The following RIMS2 variants were observed in gnomAD, a reference collection of about 807,000 sequenced individuals.
RIMS2 encodes regulating synaptic membrane exocytosis protein 2.
A neutral mutation model predicts 174.4 loss-of-function variants in RIMS2; 59 were observed. The observed-to-expected ratio is 0.34, with a 90% CI of 0.27 to 0.42. The LOEUF (loss-of-function observed/expected upper bound fraction) is 0.42, where lower values mean the gene tolerates loss of function less well. RIMS2 is among the 10% of genes least tolerant of loss of function. The pLI, the probability that RIMS2 is intolerant of heterozygous loss-of-function variation, is 1.00. For synonymous variants in RIMS2, 606 were observed against 572.5 expected, an observed-to-expected ratio of 1.06 and a Z score of -0.84; for missense variants, 1,620 against 1,666.3, an observed-to-expected ratio of 0.97 and a Z score of 0.48.
chr8:104,068,605 A>G (rs1285505437), intron 19 of RIMS2: 7 of 1,506,548 alleles, frequency 4.6e-6, no homozygotes, highest in South Asian at 2.4e-5. Flanking sequence ...CAAGATTACC[A>G]TTCGAAGGCA....
chr8:103,751,580 C>T lies in RIMS2; in HGVS notation c.388-14647C>T, dbSNP rs529367209. 1.5e-3 allele frequency among the ~76,000 whole-genome samples: 230 copies of T among 151,660 alleles called. 10 individuals are homozygous for T. In the East Asian group the frequency reaches 0.035, roughly 23 times the overall value. On this transcript the variant is annotated intron_variant, in intron 2 of 23. Coordinates refer to ENST00000504942, the Ensembl canonical transcript of RIMS2. ...TCCCACCAACAGTGTAAAAGTGTCC[C>T]TATTTCTCCACATCCTCTCCAGCAC...
intron 3 of RIMS2, among the ~76,000 whole-genome samples, chr8:103,789,276 C>T (rs1267774392): frequency 5.3e-5 from 8 of 152,044 alleles, no homozygotes; most frequent in African/African-American, 1.7e-4. Flanking sequence ...TGTTCCTATT[C>T]GGCCATCTTG....
intron 19 of RIMS2, among the ~76,000 whole-genome samples, chr8:104,184,644 T>C (rs1474889101): frequency 6.6e-6 from 1 of 151,556 alleles, no homozygotes; most frequent in Non-Finnish European, 1.5e-5. Flanking sequence ...TAAAGAAATT[T>C]CCAAAGGTTA....
downstream of RIMS2, chr8:104,252,441 C>T (rs2099361395): frequency 6.6e-6 from 1 of 152,088 alleles, no homozygotes; most frequent in Non-Finnish European, 1.5e-5. Context: ...TGTGGCTACA[C>T]TGTACTGAAT....
At chr8:103,820,472 T>A (rs1176149041) in intron 3 of RIMS2, among the ~76,000 whole-genome samples, 1 of 151,994 alleles carries the variant, frequency 6.6e-6, no homozygotes, top group Non-Finnish European at 1.5e-5. Flanking sequence ...GATGGGGAAC[T>A]AATAGTGCAT....
At chr8:103,639,670 C>T (rs369852555) in intron 1 of RIMS2, among the ~76,000 whole-genome samples, 1 of 151,774 alleles carries the variant, frequency 6.6e-6, no homozygotes, top group African/African-American at 2.4e-5. Flanking sequence ...TGGATTTAAC[C>T]ATAGTTTGTT....
intron 3 of RIMS2, among the ~76,000 whole-genome samples, chr8:103,871,147 G>A (rs2099109628): frequency 6.6e-6 from 1 of 152,162 alleles, no homozygotes; most frequent in African/African-American, 2.4e-5. Context: ...AGTGGCTCAT[G>A]CCTATAATCC....
chr8:104,178,916 G>A (rs556666222), intron 19 of RIMS2, among the ~76,000 whole-genome samples: 7 of 152,214 alleles, frequency 4.6e-5, no homozygotes, highest in African/African-American at 1.7e-4. Context: ...TTATGCTCAG[G>A]ATGTGCCTCT....
At chr8:103,697,045 A>G (rs957134156) in intron 1 of RIMS2, 41 bp from the exon 4 acceptor site, 5 of 1,349,720 alleles carry the variant, frequency 3.7e-6, no homozygotes, top group East Asian at 2.3e-5. Flanking sequence ...TTTAGAGATC[A>G]TCAGGAAACC....
At chr8:103,863,535 A>G (rs114113006) in intron 3 of RIMS2, among the ~76,000 whole-genome samples, 1 of 151,624 alleles carries the variant, frequency 6.6e-6, no homozygotes, top group African/African-American at 2.4e-5. Flanking sequence ...TCTTCCTTGT[A>G]TGTCTGATAG....
At chr8:104,165,797 T>C (rs1217621353) in intron 19 of RIMS2, among the ~76,000 whole-genome samples, 1 of 152,186 alleles carries the variant, frequency 6.6e-6, no homozygotes, top group Non-Finnish European at 1.5e-5. Flanking sequence ...CACTAAGCAC[T>C]TAGATTTTTT....
intron 3 of RIMS2, among the ~76,000 whole-genome samples, chr8:103,792,628 C>T (rs1160639571): frequency 7.8e-6 from 1 of 127,852 alleles, no homozygotes; most frequent in Non-Finnish European, 1.6e-5. Context: ...TCAGTGAATC[C>T]AGGAGCTGGT....
At chr8:103,658,775 C>G (rs1219618967) in intron 1 of RIMS2, among the ~76,000 whole-genome samples, 1 of 152,162 alleles carries the variant, frequency 6.6e-6, no homozygotes, top group Non-Finnish European at 1.5e-5. Context: ...CTCCAGAGTA[C>G]TAAATGTGCA....
intron 5 of RIMS2, among the ~76,000 whole-genome samples, chr8:103,911,690 A>G (rs908131501): frequency 2.0e-5 from 3 of 152,194 alleles, no homozygotes; most frequent in Non-Finnish European, 4.4e-5. Flanking sequence ...TAGAATTTCA[A>G]TGCATCTTTT....
chr8:104,140,767 A>C (rs1458797758), intron 19 of RIMS2, among the ~76,000 whole-genome samples: 1 of 152,202 alleles, frequency 6.6e-6, no homozygotes, highest in Non-Finnish European at 1.5e-5. Context: ...TTGCTAAAGG[A>C]ATCAATCAAT....
chr8:103,620,857 T>C (rs982197842), intron 1 of RIMS2, among the ~76,000 whole-genome samples: 1 of 152,162 alleles, frequency 6.6e-6, no homozygotes, highest in Non-Finnish European at 1.5e-5. Context: ...ATTTAAAAAA[T>C]TGTCCTTTTA....
At chr8:104,103,552 T>C (rs2097954085) in intron 19 of RIMS2, among the ~76,000 whole-genome samples, 1 of 152,174 alleles carries the variant, frequency 6.6e-6, no homozygotes, top group Non-Finnish European at 1.5e-5. Flanking sequence ...TTTATTCTAA[T>C]ACTCCTTCTG....
intron 1 of RIMS2, among the ~76,000 whole-genome samples, chr8:103,503,177 G>A (rs1554581222): frequency 6.6e-6 from 1 of 151,846 alleles, no homozygotes; most frequent in Non-Finnish European, 1.5e-5. Flanking sequence ...GTCTTAGAAA[G>A]GAGTCTTACC....
At chr8:103,678,927 T>A (rs1284658373) in intron 1 of RIMS2, among the ~76,000 whole-genome samples, 2 of 152,154 alleles carry the variant, frequency 1.3e-5, no homozygotes, top group South Asian at 2.1e-4. Context: ...TGCCGACACA[T>A]GTTTTTAGGT....
Sources: gnomAD v4.1 joint callset for allele counts (sites outside exome capture counted in the v4.1 genomes callset) on GRCh38, gnomAD v4.1.1 for gene constraint, MANE v1.5 for transcripts, NCBI Gene and HGNC (gene_info 2026-07-23, HGNC 2026-07-21) for gene names.